Variants in VAV1 observed in about 807,000 individuals in gnomAD.
VAV1 encodes vav guanine nucleotide exchange factor 1, also known as proto-oncogene vav.
VAV1 carries 33 observed loss-of-function variants against 128.1 expected under a neutral mutation model. The observed-to-expected ratio is 0.26, with a 90% confidence interval of 0.20 to 0.34. The LOEUF is 0.34. Among genes scored for constraint, VAV1 ranks in the 10% least tolerant of loss-of-function variants. The pLI is 1.00. For missense variants in VAV1, 715 were observed against 1,093.7 expected (o/e 0.65, Z 4.88); for synonymous variants, 394 against 409.8 (o/e 0.96, Z 0.47).
At chr19:6,852,479 T>G (rs1258459646) in intron 24 of VAV1, among the ~76,000 whole-genome samples, 1 of 152,178 alleles carries the variant, frequency 6.6e-6, no homozygotes, top group Non-Finnish European at 1.5e-5. Flanking sequence ...CCCAGCACTT[T>G]GGGAGGCCGA....
At chr19:6,799,464 G>A (rs560457443) in intron 1 of VAV1, among the ~76,000 whole-genome samples, 2 of 151,956 alleles carry the variant, frequency 1.3e-5, no homozygotes, top group African/African-American at 2.4e-5. Flanking sequence ...CACCATGCCC[G>A]GCCTATACTT....
chr19:6,830,049 T>TTTTG lies in VAV1; in HGVS notation c.1398+143_1398+146dup, dbSNP rs563683157. On this transcript the variant is annotated intron_variant, in intron 14 of 26. Coordinates refer to ENST00000602142, the MANE Select transcript of VAV1 (RefSeq NM_005428.4). ...TGTGTTAATCCACTCAACAGGTGTT[T>TTTTG]TTTGTTTGTTTGTTTTGTTCTGTTT... is the stretch of plus-strand genomic sequence containing the variant. 1,015 of 1,417,082 alleles carry TTTTG rather than the reference T, an allele frequency of 7.2e-4. 2 individuals carry two copies. Among genetic ancestry groups the TTTTG allele is most frequent in the Non-Finnish European group, 9.0e-4 (940 of 1,046,616 alleles). The allele number at this position is 1,417,082 out of a possible 1,614,324, so 87.8% of individuals were successfully genotyped here.
Position 6,820,727 on chromosome 19 carries a change from C to A in VAV1, c.230C>A (p.Thr77Asn). The part of the protein sequence containing the change: ...SQFLCLKNIR[T>N]FLSTCCEKFG... ...TTCCTGTGCCTTAAGAACATTAGAA[C>A]CTTCCTGTCCACCTGCTGTGAGAAG... The change falls in exon 2 of 27, where the codon ACC becomes AAC. Residue 77 changes from threonine (T) to asparagine (N), a missense_variant. Thr to Asn is a moderately conservative substitution (Grantham distance 65). This residue lies in a region of VAV1 where 302 missense variants were observed against 477.8 expected (regional missense o/e 0.63). Transcript: ENST00000602142. The surrounding 1 kb of genome is among the most constrained non-coding windows in gnomAD (Gnocchi z 4.4). The A allele has an allele frequency of 6.2e-7, 1 of 1,614,212 alleles. No individual in the cohort carries two copies. The highest frequency in any genetic ancestry group is 8.5e-7 in the Non-Finnish European group (1 of 1,180,042).
At chr19:6,853,132 G>T in intron 25 of VAV1, 53 bp downstream of exon 25, 1 of 1,543,292 alleles carries the variant, frequency 6.5e-7, no homozygotes, top group Non-Finnish European at 8.9e-7. Context: ...CCATTGTGGA[G>T]GGAAACTTTG....
chr19:6,817,894 G>T (rs1165693239), intron 1 of VAV1, among the ~76,000 whole-genome samples: 1 of 152,224 alleles, frequency 6.6e-6, no homozygotes, highest in Non-Finnish European at 1.5e-5. Flanking sequence ...CACCGTGTTA[G>T]CCAGGATGGT....
chr19:6,832,024 TG>T, intron 14 of VAV1, 66 bp from the exon 15 acceptor site: 1 of 1,137,816 alleles, frequency 8.8e-7, no homozygotes, highest in Non-Finnish European at 1.2e-6. Flanking sequence ...GAGGGAGGGG[TG>T]GGTGGGTGTG....
intron 15 of VAV1, 143 bp downstream of exon 15, chr19:6,832,343 C>G: frequency 1.3e-6 from 1 of 769,288 alleles, no homozygotes; most frequent in Non-Finnish European, 2.1e-6. Context: ...ATAAGAGGGA[C>G]AGGCCCAAGG....
chr19:6,824,508 T>C (rs1234439815), intron 6 of VAV1, among the ~76,000 whole-genome samples: 1 of 152,146 alleles, frequency 6.6e-6, no homozygotes, highest in South Asian at 2.1e-4. Flanking sequence ...GGCTGAATAA[T>C]ATTCCATTGT....
At chr19:6,836,930 G>A (rs1972239446) in intron 20 of VAV1, 55 bp from the exon 21 acceptor site, 1 of 1,569,194 alleles carries the variant, frequency 6.4e-7, no homozygotes, top group Non-Finnish European at 8.8e-7. Context: ...GATGGCAGGT[G>A]GGGTTATGGA....
intron 1 of VAV1, among the ~76,000 whole-genome samples, chr19:6,819,343 G>C (rs1387515952): frequency 6.6e-6 from 1 of 152,214 alleles, no homozygotes. Flanking sequence ...TTTGTGATGT[G>C]CTGTTTCATA....
chr19:6,833,956 G>A lies in VAV1; in HGVS notation c.1777+3G>A, dbSNP rs759072363. The stretch of plus-strand genomic sequence containing the variant: ...GGACAAAAAGAGGAATGAGCTGGGT[G>A]AGTTGGCAGGGGTTGCTGTGTGGGG... On this transcript the variant is annotated splice_donor_region_variant and intron_variant, in intron 19 of 26. Transcript: ENST00000602142. 2 of 1,614,078 alleles carry A rather than the reference G, an allele frequency of 1.2e-6. No homozygotes were observed. Among genetic ancestry groups the A allele is most frequent in the South Asian group, 2.2e-5 (2 of 91,068 alleles).
At chr19:6,836,082 C>A in intron 19 of VAV1, 1 of 184,502 alleles carries the variant, frequency 5.4e-6, no homozygotes, top group South Asian at 9.3e-5. Context: ...CCATGTTGGC[C>A]AGTCTGGTCT....
chr19:6,775,856 C>T (rs545294664), intron 1 of VAV1, among the ~76,000 whole-genome samples: 4 of 152,226 alleles, frequency 2.6e-5, no homozygotes, highest in Admixed American at 2.0e-4. Context: ...GAAAGGTGCT[C>T]CTGTGGAGGA....
chr19:6,846,589 G>T (rs1201677921), intron 22 of VAV1, among the ~76,000 whole-genome samples: 1 of 149,278 alleles, frequency 6.7e-6, no homozygotes, highest in Non-Finnish European at 1.5e-5. Context: ...ATATAATTAT[G>T]TATTACATAT....
intron 19 of VAV1, 103 bp downstream of exon 19, chr19:6,834,056 G>A: frequency 6.5e-7 from 1 of 1,539,678 alleles, no homozygotes; most frequent in Non-Finnish European, 8.9e-7. Flanking sequence ...GCCACATTGG[G>A]CCGGGTGCAA....
intron 20 of VAV1, 143 bp from the exon 21 acceptor site, chr19:6,836,842 A>G (rs1483497585): frequency 1.4e-4 from 5 of 35,778 alleles, no homozygotes; most frequent in Non-Finnish European, 5.4e-4. Flanking sequence ...GGACACACAC[A>G]CACACACACA....
intron 15 of VAV1, among the ~76,000 whole-genome samples, chr19:6,832,434 T>A (rs1463699559): frequency 6.6e-6 from 1 of 151,298 alleles, no homozygotes; most frequent in Non-Finnish European, 1.5e-5. Flanking sequence ...TCCTCCTCTT[T>A]CTTGTTCTCC....
At chr19:6,856,552 T>G (rs1417486721) in intron 26 of VAV1, among the ~76,000 whole-genome samples, 1 of 150,846 alleles carries the variant, frequency 6.6e-6, no homozygotes, top group Non-Finnish European at 1.5e-5. Context: ...TGAAACCCCG[T>G]CTCTACTAAA....
intron 8 of VAV1, 94 bp downstream of exon 8, chr19:6,825,500 G>A (rs370571831): frequency 4.8e-5 from 52 of 1,093,834 alleles, no homozygotes; most frequent in East Asian, 3.9e-4. Context: ...ACCACTGGAC[G>A]GGGAGGACTT....
Sources: allele counts gnomAD v4.1 joint callset (sites outside exome capture counted in the v4.1 genomes callset), GRCh38; gene constraint gnomAD v4.1.1; regional missense constraint gnomAD v4.1.1; non-coding constraint Gnocchi (gnomAD v3.1); transcripts MANE v1.5; gene names NCBI Gene and HGNC (gene_info 2026-07-23, HGNC 2026-07-21).